The following TBCD variants were observed in gnomAD, a reference collection of about 807,000 sequenced individuals.
TBCD encodes tubulin folding cofactor D.
A neutral mutation model predicts 169.3 loss-of-function variants in TBCD; 105 were observed. The ratio of observed to expected loss-of-function variants is 0.62; its 90% confidence interval spans 0.53 to 0.73. The LOEUF is 0.73. TBCD is among the 30% of genes least tolerant of loss of function. The pLI is 0.00. For missense variants in TBCD, 1,444 were observed against 1,600.1 expected (o/e 0.90, Z 1.66); for synonymous variants, 700 against 643.9 (o/e 1.09, Z -1.32).
Position 82,942,663 on chromosome 17 carries a change from C to A in TBCD, c.*200C>A. 1 of 639,530 alleles carries A rather than the reference C, an allele frequency of 1.6e-6. No homozygotes were observed. The highest frequency in any genetic ancestry group is 1.8e-5 in the African/African-American group (1 of 54,566). The allele number at this position is 639,530 out of a possible 1,614,324, so 39.6% of individuals were successfully genotyped here. A position where few individuals can be genotyped will look rare whatever the true frequency, so the allele number is the denominator to read the frequency against. ...CTTGGGGTGGACGCCTCTGCCTTCACTTGAACACAAATGTGCTTCCTATAA... is the reference window on the plus strand; with the variant it reads ...CTTGGGGTGGACGCCTCTGCCTTCAATTGAACACAAATGTGCTTCCTATAA... On this transcript the variant is annotated 3_prime_UTR_variant, in exon 39 of 39. Coordinates refer to ENST00000355528, the MANE Select transcript of TBCD (RefSeq NM_005993.5).
In TBCD at chr17:82,831,323, C is replaced by A. The variant is rs200817916; in HGVS notation, c.1318+16389C>A. On this transcript the variant is annotated intron_variant, in intron 13 of 38. Coordinates refer to ENST00000355528, the MANE Select transcript of TBCD (RefSeq NM_005993.5). This position sits in a 1 kb window ranked among gnomAD's most constrained non-coding sequence, Gnocchi z 4.6. ...TCTTTAGCCTCAGGAATTGGACTTT[C>A]GAACTCGACGTGTTTTCTGTTGGGG... 1 of 1,613,998 alleles carries A rather than the reference C, an allele frequency of 6.2e-7. No homozygotes were observed. The highest frequency in any genetic ancestry group is 8.5e-7 in the Non-Finnish European group (1 of 1,180,034).
intron 13 of TBCD, among the ~76,000 whole-genome samples, chr17:82,857,962 G>T (rs936592992): frequency 1.3e-5 from 2 of 151,924 alleles, no homozygotes; most frequent in African/African-American, 4.8e-5. Context: ...ACTCAGGCAG[G>T]AGTACAGTGG....
At chr17:82,840,585 G>T (rs1210226896) in intron 13 of TBCD, 1 of 152,306 alleles carries the variant, frequency 6.6e-6, no homozygotes, top group Non-Finnish European at 1.5e-5. Context: ...TTATCCCAGA[G>T]CCTGGCTGCA....
chr17:82,827,380 A>G (rs993778526), intron 13 of TBCD, among the ~76,000 whole-genome samples: 1 of 152,160 alleles, frequency 6.6e-6, no homozygotes, highest in Non-Finnish European at 1.5e-5. Context: ...AAGTGAGAGA[A>G]AGGGCTGTTG....
At chr17:82,859,773 T>C in intron 13 of TBCD, 1 of 985,400 alleles carries the variant, frequency 1.0e-6, no homozygotes, top group Non-Finnish European at 1.2e-6. Flanking sequence ...CTGAATAAAG[T>C]GTCTTCAGAG....
chr17:82,861,568 A>G (rs1436006729), intron 13 of TBCD, among the ~76,000 whole-genome samples: 2 of 152,328 alleles, frequency 1.3e-5, no homozygotes, highest in East Asian at 1.9e-4. Flanking sequence ...CGCACTGGCC[A>G]TGTGTCCGGA....
At chr17:82,886,444 G>A (rs190050754) in intron 15 of TBCD, among the ~76,000 whole-genome samples, 1 of 151,882 alleles carries the variant, frequency 6.6e-6, no homozygotes, top group East Asian at 1.9e-4. Flanking sequence ...GGGTGTGGTC[G>A]TGGCTTCTTG....
intron 14 of TBCD, among the ~76,000 whole-genome samples, chr17:82,875,980 C>T (rs942589970): frequency 1.8e-4 from 27 of 152,182 alleles, no homozygotes; most frequent in African/African-American, 6.5e-4. Flanking sequence ...TTTCAAAAAA[C>T]AGGATGGCTA....
chr17:82,892,436 T>C (rs2059206895), intron 16 of TBCD, among the ~76,000 whole-genome samples: 1 of 151,994 alleles, frequency 6.6e-6, no homozygotes, highest in Non-Finnish European at 1.5e-5. Context: ...CAGGCAGAAG[T>C]TTATGGTATC....
chr17:82,909,772 C>T lies in TBCD; in HGVS notation c.2006+465C>T, dbSNP rs139657796. On this transcript the variant is annotated intron_variant, in intron 22 of 38. Transcript: ENST00000355528. ...AGGTTTTCAGCTCTGCAGGTGTCATCGCGTTTCCTCGTTCCCAGGACTTGC... is the reference window on the plus strand; with the variant it reads ...AGGTTTTCAGCTCTGCAGGTGTCATTGCGTTTCCTCGTTCCCAGGACTTGC... Among the ~76,000 whole-genome samples, 330 of 152,336 alleles carry T rather than the reference C, an allele frequency of 2.2e-3. 2 individuals carry two copies. Among genetic ancestry groups the T allele is most frequent in the Non-Finnish European group, 2.7e-3 (184 of 68,026 alleles).
intron 2 of TBCD, among the ~76,000 whole-genome samples, chr17:82,758,599 G>A (rs905657561): frequency 6.8e-5 from 10 of 146,984 alleles, no homozygotes; most frequent in South Asian, 2.2e-4. Flanking sequence ...AAATGTAGTC[G>A]TGGGATGCTG....
At chr17:82,911,078 G>T (rs115052532) in intron 22 of TBCD, among the ~76,000 whole-genome samples, 2,243 of 152,282 alleles carry the variant, frequency 0.015, 53 homozygotes, top group African/African-American at 0.052. Flanking sequence ...GGGCCTGGAG[G>T]GCTCCTTCAG....
At chr17:82,766,981 G>C (rs976184491) in intron 4 of TBCD, among the ~76,000 whole-genome samples, 1 of 152,208 alleles carries the variant, frequency 6.6e-6, no homozygotes, top group Non-Finnish European at 1.5e-5. Context: ...GGACACCTCT[G>C]CCTGGCACGA....
At chr17:82,908,610 T>TAAAA (rs2060409709) in intron 21 of TBCD, among the ~76,000 whole-genome samples, 1 of 152,254 alleles carries the variant, frequency 6.6e-6, no homozygotes, top group East Asian at 1.9e-4. Context: ...CAAAGCCATT[T>TAAAA]TGTTTGCTTA....
At chr17:82,791,202 C>T (rs1225316063) in intron 7 of TBCD, among the ~76,000 whole-genome samples, 1 of 151,500 alleles carries the variant, frequency 6.6e-6, no homozygotes, top group African/African-American at 2.4e-5. Flanking sequence ...CGCCATTCTC[C>T]TGGCTCAGCC....
Position 82,895,614 on chromosome 17 carries a change from G to C in TBCD, c.1649+1982G>C, listed in dbSNP as rs569271458. ...CTCTTGGGAGACGGGAGAGGGCTGG[G>C]GGCCTGGAGGTGTGCCCGCTGGAGG... On this transcript the variant is annotated intron_variant, in intron 17 of 38. Transcript: ENST00000355528. 6.6e-5 allele frequency among the ~76,000 whole-genome samples: 10 copies of C among 152,268 alleles called. No individual in the cohort carries two copies. The South Asian group carries it at 2.1e-3, about 32-fold the overall frequency.
chr17:82,917,920 C>G lies in TBCD; in HGVS notation c.2039-2636C>G, dbSNP rs74359357. On this transcript the variant is annotated intron_variant, in intron 23 of 38. Transcript: ENST00000355528. ...TGTCCCTCTCAGGTCTTCGTGAGCTCTCTGGTAACTGCAGGCACTTCCTGT... is the reference window on the plus strand; with the variant it reads ...TGTCCCTCTCAGGTCTTCGTGAGCTGTCTGGTAACTGCAGGCACTTCCTGT... Among the ~76,000 whole-genome samples, 110 of 152,348 alleles carry G rather than the reference C, an allele frequency of 7.2e-4. No homozygotes were observed. The East Asian group carries it at 0.017, about 23-fold the overall frequency.
chr17:82,909,668 G>T (rs1000262752), intron 22 of TBCD, among the ~76,000 whole-genome samples: 4 of 146,738 alleles, frequency 2.7e-5, no homozygotes, highest in Admixed American at 2.0e-4. Flanking sequence ...GCGCGTGAGG[G>T]TCTGACCTGG....
Position 82,831,687 on chromosome 17 carries a change from G to GTAGA in TBCD, c.1318+16755_1318+16758dup. The GTAGA allele has an allele frequency of 6.2e-7, 1 of 1,614,222 alleles. No homozygotes were observed. The highest frequency in any genetic ancestry group is 8.5e-7 in the Non-Finnish European group (1 of 1,180,040). On this transcript the variant is annotated intron_variant, in intron 13 of 38. Transcript: ENST00000355528. This position sits in a 1 kb window ranked among gnomAD's most constrained non-coding sequence, Gnocchi z 4.6. ...AGCTCCCAGCCAGCAGGTAAGGCGA[G>GTAGA]TAGATGGTGGCCAGCCCGTGCTCTG...
Sources: allele counts gnomAD v4.1 joint callset (sites outside exome capture counted in the v4.1 genomes callset), GRCh38; gene constraint gnomAD v4.1.1; non-coding constraint Gnocchi (gnomAD v3.1); transcripts MANE v1.5; gene names NCBI Gene and HGNC (gene_info 2026-07-23, HGNC 2026-07-21).